TPRG1: variants seen among roughly 807,000 people sequenced by gnomAD.
TPRG1 encodes tumor protein p63 regulated 1, also known as tumor protein p63-regulated gene 1 protein.
A neutral mutation model predicts 29.3 loss-of-function variants in TPRG1; 29 were observed. That is an observed-to-expected ratio of 0.99 (90% CI 0.74 to 1.35). The LOEUF (loss-of-function observed/expected upper bound fraction) is 1.35. Ranked by LOEUF, TPRG1 falls within the 40% of genes most tolerant of loss-of-function variation. TPRG1 has a pLI of 0.00. For missense variants in TPRG1, 327 were observed against 335.0 expected (o/e 0.98, Z 0.19); for synonymous variants, 130 against 116.8 (o/e 1.11, Z -0.73).
intron 4 of TPRG1, among the ~76,000 whole-genome samples, chr3:189,244,372 T>G (rs556920021): frequency 6.6e-6 from 1 of 151,906 alleles, no homozygotes; most frequent in Non-Finnish European, 1.5e-5. Flanking sequence ...TGAGCCAAGA[T>G]CGAGCCACTG....
chr3:189,276,944 C>T (rs1321192580), intron 4 of TPRG1, among the ~76,000 whole-genome samples: 2 of 151,906 alleles, frequency 1.3e-5, no homozygotes, highest in Non-Finnish European at 2.9e-5. Flanking sequence ...TTTTTAATGA[C>T]TCCAGATGCT....
intron 4 of TPRG1, among the ~76,000 whole-genome samples, chr3:189,058,309 C>T (rs1715867374): frequency 6.6e-6 from 1 of 152,184 alleles, no homozygotes; most frequent in Non-Finnish European, 1.5e-5. Flanking sequence ...TCCTTAAATC[C>T]ATCTCTGACA....
chr3:189,020,616 T>C (rs1231816495), intron 3 of TPRG1, among the ~76,000 whole-genome samples: 1 of 149,932 alleles, frequency 6.7e-6, no homozygotes, highest in Non-Finnish European at 1.5e-5. Flanking sequence ...TAATTTCTGT[T>C]CTTTTACATT....
At chr3:189,312,168 TCTTTCTTTCTTTC>T (rs1722727762) in intron 5 of TPRG1, among the ~76,000 whole-genome samples, 5 of 78,456 alleles carry the variant, frequency 6.4e-5, no homozygotes, top group Admixed American at 4.7e-4. Flanking sequence ...TTTCTTTCTT[TCTTTCTTTCTTTC>T]TTTTTTTCTT....
At chr3:189,306,708 T>A (rs942341354) in intron 4 of TPRG1, among the ~76,000 whole-genome samples, 4 of 152,166 alleles carry the variant, frequency 2.6e-5, no homozygotes, top group African/African-American at 7.2e-5. Context: ...AAATATAAGA[T>A]CTCTAACAGT....
chr3:189,082,872 A>T (rs1020136041), intron 4 of TPRG1, among the ~76,000 whole-genome samples: 3 of 152,192 alleles, frequency 2.0e-5, no homozygotes, highest in African/African-American at 4.8e-5. Flanking sequence ...AAGAACGTAC[A>T]TTCACACACA....
At chr3:189,289,623 T>C (rs1180660831) in intron 4 of TPRG1, among the ~76,000 whole-genome samples, 1 of 152,178 alleles carries the variant, frequency 6.6e-6, no homozygotes, top group East Asian at 1.9e-4. Context: ...CTCAGAAAAT[T>C]GTGAGAATTA....
At chr3:189,164,341 T>G (rs1051504674) in intron 5 of TPRG1, among the ~76,000 whole-genome samples, 1 of 152,108 alleles carries the variant, frequency 6.6e-6, no homozygotes, top group Non-Finnish European at 1.5e-5. Flanking sequence ...TTTTGTATTT[T>G]TGTAGAGACG....
intron 5 of TPRG1, among the ~76,000 whole-genome samples, chr3:189,162,744 C>G (rs1284150744): frequency 2.0e-5 from 3 of 152,104 alleles, no homozygotes; most frequent in East Asian, 3.9e-4. Flanking sequence ...CCAGGTTGCT[C>G]TATACATAAG....
chr3:189,169,904 G>C (rs1007320546), upstream of TPRG1, among the ~76,000 whole-genome samples: 1 of 152,140 alleles, frequency 6.6e-6, no homozygotes, highest in African/African-American at 2.4e-5. Context: ...TACTCCTACT[G>C]CTTGTGCCCC....
At chr3:189,176,879 G>C (rs1481421941) in intron 1 of TPRG1, among the ~76,000 whole-genome samples, 1 of 152,228 alleles carries the variant, frequency 6.6e-6, no homozygotes, top group Non-Finnish European at 1.5e-5. Flanking sequence ...GGCCCTGTAA[G>C]ACACAATAAG....
chr3:189,182,817 CAAAT>C (rs1044112993), intron 1 of TPRG1, among the ~76,000 whole-genome samples: 3 of 151,988 alleles, frequency 2.0e-5, no homozygotes, highest in African/African-American at 7.3e-5. Flanking sequence ...GTATAATTGA[CAAAT>C]AATAATTATA....
At chr3:189,279,005 T>C (rs1576938947) in intron 4 of TPRG1, among the ~76,000 whole-genome samples, 1 of 152,360 alleles carries the variant, frequency 6.6e-6, no homozygotes, top group East Asian at 1.9e-4. Flanking sequence ...AGAGTTGTTC[T>C]AGTGGTGGAG....
At chr3:189,029,736 C>T (rs748685179) in intron 4 of TPRG1, among the ~76,000 whole-genome samples, 18 of 152,136 alleles carry the variant, frequency 1.2e-4, no homozygotes, top group Non-Finnish European at 2.4e-4. Context: ...GGGCAGGTCC[C>T]TTGTGAATGG....
chr3:189,275,736 G>T (rs1436999087), intron 4 of TPRG1, among the ~76,000 whole-genome samples: 1 of 152,102 alleles, frequency 6.6e-6, no homozygotes, highest in Non-Finnish European at 1.5e-5. Flanking sequence ...TGGCAATAAA[G>T]CTACTGTTGT....
intron 4 of TPRG1, among the ~76,000 whole-genome samples, chr3:189,078,341 T>G (rs1396260719): frequency 6.6e-6 from 1 of 152,014 alleles, no homozygotes; most frequent in Non-Finnish European, 1.5e-5. Flanking sequence ...TTTCACCATA[T>G]TGTTCAGGCT....
chr3:189,283,682 C>T (rs1346769928), intron 4 of TPRG1, among the ~76,000 whole-genome samples: 1 of 152,164 alleles, frequency 6.6e-6, no homozygotes, highest in Admixed American at 6.5e-5. Context: ...ATTTCATAAA[C>T]ATTTGTTAAA....
At chr3:189,096,081 G>A (rs1204384269), upstream of TPRG1, among the ~76,000 whole-genome samples, 1 of 152,190 alleles carries the variant, frequency 6.6e-6, no homozygotes, top group African/African-American at 2.4e-5. Flanking sequence ...TTGTTTTCAT[G>A]TGCACATTAA....
chr3:189,170,527 G>A (rs935613775), upstream of TPRG1, among the ~76,000 whole-genome samples: 2 of 152,156 alleles, frequency 1.3e-5, no homozygotes, highest in African/African-American at 4.8e-5. Context: ...TGTCTGTGGT[G>A]CTCATCATCT....
Sources: allele counts gnomAD v4.1 joint callset (sites outside exome capture counted in the v4.1 genomes callset), GRCh38; gene constraint gnomAD v4.1.1; transcripts MANE v1.5; gene names NCBI Gene and HGNC (gene_info 2026-07-23, HGNC 2026-07-21).